The following ASB11 variants were observed in gnomAD, a reference collection of about 807,000 sequenced individuals.
ASB11 encodes ankyrin repeat and SOCS box protein 11.
A neutral mutation model predicts 20.1 loss-of-function variants in ASB11; 17 were observed. The observed-to-expected ratio is 0.85, with a 90% CI of 0.58 to 1.27. The LOEUF (loss-of-function observed/expected upper bound fraction) is 1.27, where lower values mean the gene tolerates loss of function less well. Among genes scored for constraint, ASB11 ranks in the 50% most tolerant of loss-of-function variants. The pLI, the probability that ASB11 is intolerant of heterozygous loss-of-function variation, is 0.00. For synonymous variants in ASB11, 107 were observed against 105.6 expected, an observed-to-expected ratio of 1.01 and a Z score of -0.08; for missense variants, 259 against 256.9, an observed-to-expected ratio of 1.01 and a Z score of -0.06.
chrX:15,289,756 G>A, intron 4 of ASB11, 118 bp from the exon 5 acceptor site: 3 of 841,969 alleles, frequency 3.6e-6, no homozygotes, highest in Non-Finnish European at 5.0e-6. Flanking sequence ...GGGTGTGGTG[G>A]CTCACGCCTG....
chrX:15,305,917 A>C (rs765459429), intron 1 of ASB11, among the ~76,000 whole-genome samples: 8 of 109,427 alleles, frequency 7.3e-5, no homozygotes, highest in African/African-American at 2.7e-4. Context: ...TGATCGTCTC[A>C]CTCCTCCTAC....
intron 2 of ASB11, among the ~76,000 whole-genome samples, chrX:15,298,068 T>C (rs1023152715): frequency 8.9e-6 from 1 of 111,845 alleles, no homozygotes; most frequent in Non-Finnish European, 1.9e-5. Flanking sequence ...TCAAAACTTA[T>C]GACATGGGTC....
intron 3 of ASB11, among the ~76,000 whole-genome samples, chrX:15,296,016 C>T (rs1195377093): frequency 1.8e-5 from 2 of 112,127 alleles, no homozygotes; most frequent in Non-Finnish European, 1.9e-5. Context: ...CCAAGGCGGG[C>T]GGATCACCTG....
chrX:15,303,771 A>G (rs16979814), intron 1 of ASB11, among the ~76,000 whole-genome samples: 1,642 of 112,086 alleles, frequency 0.015, 36 homozygotes, highest in African/African-American at 0.05. Context: ...TGTCAAGTGC[A>G]TTGGTCTCTA....
At chrX:15,314,278 A>G in intron 1 of ASB11, 2 of 1,040,898 alleles carry the variant, frequency 1.9e-6, no homozygotes, top group Non-Finnish European at 2.5e-6. Flanking sequence ...AAATTAAATT[A>G]GAAGATAACT....
In ASB11 at chrX:15,287,785, A is replaced by G. The variant is rs1419903062; in HGVS notation, c.847+96T>C. ...CCTCCCACAATGCCACCTTCAATTA[A>G]AAAGAGAAAAGAAAAAGGAAAAAAT... On this transcript the variant is annotated intron_variant, in intron 6 of 6. Transcript: ENST00000480796. 5 of 1,020,277 alleles carry G rather than the reference A, an allele frequency of 4.9e-6. No individual in the cohort carries two copies. The East Asian group carries it at 1.3e-4, about 26-fold the overall frequency. 84.1% of individuals were successfully genotyped at this position (1,020,277 alleles called of 1,213,427 possible).
At position 15,290,737 on chromosome X, in the gene ASB11, A is replaced by G. The variant is rs887322559; in HGVS notation, c.521-1099T>C. Among the ~76,000 whole-genome samples the G allele has an allele frequency of 3.6e-5, 4 of 112,434 alleles. 1 individual carries two copies. Among genetic ancestry groups the G allele is most frequent in the Non-Finnish European group, 7.5e-5 (4 of 53,344 alleles). On this transcript the variant is annotated intron_variant, in intron 4 of 6. Coordinates refer to ENST00000480796, the MANE Select transcript of ASB11 (RefSeq NM_080873.3). ...AGCCAACCTATTTTTTGTAGATAACATAAAAGTAAGCTTCATTTTAGACCT... is the reference window on the plus strand; with the variant it reads ...AGCCAACCTATTTTTTGTAGATAACGTAAAAGTAAGCTTCATTTTAGACCT...
At chrX:15,292,061 A>T (rs952910602) in intron 4 of ASB11, 3 of 110,446 alleles carry the variant, frequency 2.7e-5, no homozygotes, top group Non-Finnish European at 5.7e-5. Context: ...AAAGAAAGAC[A>T]TTTATATCAT....
chrX:15,301,094 C>G (rs756923249), intron 2 of ASB11, among the ~76,000 whole-genome samples: 4 of 111,166 alleles, frequency 3.6e-5, no homozygotes, highest in African/African-American at 1.3e-4. Context: ...TCCCAAGTAG[C>G]TGGGATTATA....
At chrX:15,288,174 C>A (rs2050245149) in intron 5 of ASB11, 102 bp from the exon 6 acceptor site, 2 of 866,891 alleles carry the variant, frequency 2.3e-6, no homozygotes, top group Admixed American at 3.6e-5. Flanking sequence ...AGTACCATGA[C>A]ATACTTGACA....
At chrX:15,295,124 C>T (rs1044114864) in intron 3 of ASB11, among the ~76,000 whole-genome samples, 1 of 109,623 alleles carries the variant, frequency 9.1e-6, no homozygotes, top group Non-Finnish European at 1.9e-5. Flanking sequence ...CTCACTGCAA[C>T]CTCCGCCTCC....
At chrX:15,310,477 C>A (rs1921396872) in intron 1 of ASB11, among the ~76,000 whole-genome samples, 1 of 111,811 alleles carries the variant, frequency 8.9e-6, no homozygotes, top group African/African-American at 3.3e-5. Flanking sequence ...TTCATTTCCC[C>A]CTTTGAATTT....
intron 1 of ASB11, 26 bp downstream of exon 1, chrX:15,315,399 T>C: frequency 9.6e-7 from 1 of 1,041,949 alleles, no homozygotes; most frequent in Non-Finnish European, 1.2e-6. Flanking sequence ...TCTTTAAATA[T>C]TAGGAACAAA....
chrX:15,290,209 T>C (rs767662328), intron 4 of ASB11, among the ~76,000 whole-genome samples: 16 of 110,962 alleles, frequency 1.4e-4, no homozygotes, highest in Admixed American at 7.7e-4. Flanking sequence ...TTAACTGAAC[T>C]AAGGGCTCCA....
chrX:15,307,601 G>C (rs1424960192), intron 1 of ASB11, among the ~76,000 whole-genome samples: 2 of 112,176 alleles, frequency 1.8e-5, no homozygotes, highest in African/African-American at 3.2e-5. Context: ...GTATGGCCCA[G>C]TTCCTAACAG....
chrX:15,303,606 G>C (rs1921142633), intron 1 of ASB11, among the ~76,000 whole-genome samples: 1 of 111,893 alleles, frequency 8.9e-6, no homozygotes, highest in African/African-American at 3.2e-5. Flanking sequence ...GTTGTGGGCA[G>C]CTTAGTGTGA....
intron 1 of ASB11, among the ~76,000 whole-genome samples, chrX:15,306,308 G>A (rs1026504191): frequency 6.2e-5 from 7 of 112,026 alleles, no homozygotes; most frequent in African/African-American, 2.3e-4. Context: ...TTGCTGAGTC[G>A]AATGGTATTT....
intron 6 of ASB11, among the ~76,000 whole-genome samples, chrX:15,284,110 G>A (rs1167033798): frequency 4.4e-4 from 47 of 107,212 alleles, no homozygotes; most frequent in African/African-American, 1.1e-3. Flanking sequence ...AAATTAGCCG[G>A]GTGTGGTGGC....
At chrX:15,293,439 C>T (rs973802343) in intron 3 of ASB11, 119 bp from the exon 4 acceptor site, 46 of 827,948 alleles carry the variant, frequency 5.6e-5, no homozygotes, top group Non-Finnish European at 7.5e-5. Flanking sequence ...AGTGAGGGAA[C>T]TCCACATCTT....
Sources: allele counts gnomAD v4.1 joint callset (sites outside exome capture counted in the v4.1 genomes callset), GRCh38; gene constraint gnomAD v4.1.1; transcripts MANE v1.5; gene names NCBI Gene and HGNC (gene_info 2026-07-23, HGNC 2026-07-21).